EIF2AK3: variants seen among roughly 807,000 people sequenced by gnomAD.
EIF2AK3 encodes the protein eukaryotic translation initiation factor 2-alpha kinase 3.
In EIF2AK3, 50 loss-of-function variants were observed where a neutral mutation model predicts 113.5. The observed-to-expected ratio is 0.44, with a 90% confidence interval of 0.35 to 0.56. The LOEUF is 0.56. Ranked by LOEUF, EIF2AK3 falls within the 20% of genes least tolerant of loss-of-function variation. The pLI, the probability that EIF2AK3 is intolerant of heterozygous loss-of-function variation, is 0.00. For missense variants in EIF2AK3, 1,185 were observed against 1,378.0 expected (o/e 0.86, Z 2.22); for synonymous variants, 448 against 495.4 (o/e 0.90, Z 1.27).
At chr2:88,588,247 C>A in intron 7 of EIF2AK3, 143 bp from the exon 8 acceptor site, 1 of 545,088 alleles carries the variant, frequency 1.8e-6, no homozygotes, top group Non-Finnish European at 3.0e-6. Flanking sequence ...ACAAATGGCC[C>A]AGAGCTCTTG....
At chr2:88,576,810 C>A in intron 11 of EIF2AK3, 107 bp from the exon 12 acceptor site, 5 of 1,232,204 alleles carry the variant, frequency 4.1e-6, no homozygotes, top group Non-Finnish European at 4.5e-6. Flanking sequence ...TATTATATAC[C>A]AATAAAAAAG....
intron 14 of EIF2AK3, among the ~76,000 whole-genome samples, chr2:88,567,167 C>A (rs1427665058): frequency 6.6e-6 from 1 of 151,776 alleles, no homozygotes; most frequent in Non-Finnish European, 1.5e-5. Context: ...CAAATAGCAA[C>A]TGTATATAAA....
chr2:88,601,674 C>A (rs1675151053), intron 2 of EIF2AK3, among the ~76,000 whole-genome samples: 1 of 152,110 alleles, frequency 6.6e-6, no homozygotes, highest in South Asian at 2.1e-4. Flanking sequence ...TACTATCAAT[C>A]ACTTGAGTTT....
Position 88,557,019 on chromosome 2 carries a change from T to A in EIF2AK3, c.*717A>T, listed in dbSNP as rs1255664204. On this transcript the variant is annotated 3_prime_UTR_variant, in exon 17 of 17. Transcript: ENST00000303236. ...TTAAAAAGTCCATAGTTGAAGAAGT[T>A]AGTTGTAATATATATGATCCATTTC... The A allele has an allele frequency of 6.6e-6, 1 of 152,376 alleles. No individual in the cohort carries two copies. The highest frequency in any genetic ancestry group is 1.5e-5 in the Non-Finnish European group (1 of 68,050). The allele number at this position is 152,376 out of a possible 1,614,324, so 9.4% of individuals were successfully genotyped here.
At chr2:88,582,846 T>C (rs2104424382) in intron 10 of EIF2AK3, among the ~76,000 whole-genome samples, 1 of 152,210 alleles carries the variant, frequency 6.6e-6, no homozygotes, top group South Asian at 2.1e-4. Flanking sequence ...AAGAGAAAAA[T>C]AGGTATAATC....
intron 1 of EIF2AK3, among the ~76,000 whole-genome samples, chr2:88,617,923 A>G (rs1675627420): frequency 6.6e-6 from 1 of 152,232 alleles, no homozygotes; most frequent in South Asian, 2.1e-4. Flanking sequence ...TTTCCTTTGT[A>G]AACCCAACAC....
intron 2 of EIF2AK3, among the ~76,000 whole-genome samples, chr2:88,597,769 C>A (rs1675054474): frequency 6.6e-6 from 1 of 152,120 alleles, no homozygotes; most frequent in Non-Finnish European, 1.5e-5. Flanking sequence ...TCTTCCCATT[C>A]CTTAACTTTC....
In EIF2AK3 at chr2:88,618,000, C is replaced by T. The variant is rs1022808698; in HGVS notation, c.309-4147G>A. ...GTTTCAGACCAGCCTATGCAACATA[C>T]TGAGACTCCAAATGTACAAAAATAC... On this transcript the variant is annotated intron_variant, in intron 1 of 16. Coordinates refer to ENST00000303236, the MANE Select transcript of EIF2AK3 (RefSeq NM_004836.7). Among the ~76,000 whole-genome samples, 3 of 152,072 alleles carry T rather than the reference C, an allele frequency of 2.0e-5. 1 individual carries two copies. Among genetic ancestry groups the T allele is most frequent in the Non-Finnish European group, 1.5e-5 (1 of 68,008 alleles).
At chr2:88,611,694 G>A (rs1675459738) in intron 2 of EIF2AK3, among the ~76,000 whole-genome samples, 1 of 152,106 alleles carries the variant, frequency 6.6e-6, no homozygotes, top group African/African-American at 2.4e-5. Flanking sequence ...ACAGTGGCAC[G>A]ATCTTGGCTC....
At chr2:88,611,270 G>C (rs564234715) in intron 2 of EIF2AK3, among the ~76,000 whole-genome samples, 1 of 152,270 alleles carries the variant, frequency 6.6e-6, no homozygotes, top group Non-Finnish European at 1.5e-5. Flanking sequence ...TATTTGAGCT[G>C]CAATTTCCTC....
In EIF2AK3 at chr2:88,562,334, T is replaced by C. The variant is rs750736790; in HGVS notation, c.3042A>G (p.Leu1014=). ...KVDIFSLGLI[L]FELLYPFSTQ... is the part of the protein sequence containing the mutation. ...TGCTGAATGGATACAGCAATTCAAA[T>C]AGAATCAGGCCTAAAGAAAAGATGT... The change falls in exon 15 of 17, where the codon CTA becomes CTG. Residue 1014 remains leucine, a synonymous_variant. Transcript: ENST00000303236. 6.2e-7 allele frequency: 1 copy of C among 1,614,120 alleles called. No homozygotes were observed. Among genetic ancestry groups the C allele is most frequent in the Non-Finnish European group, 8.5e-7 (1 of 1,179,990 alleles).
intron 2 of EIF2AK3, among the ~76,000 whole-genome samples, chr2:88,610,975 C>T (rs1286671417): frequency 6.6e-6 from 1 of 152,082 alleles, no homozygotes; most frequent in African/African-American, 2.4e-5. Flanking sequence ...TTGCTTGAGC[C>T]CAGGATTCAA....
chr2:88,575,659 T>C, intron 12 of EIF2AK3: 1 of 604,412 alleles, frequency 1.7e-6, no homozygotes, highest in Non-Finnish European at 2.9e-6. Context: ...TAAAGCTTAA[T>C]TTTATACATG....
intron 14 of EIF2AK3, among the ~76,000 whole-genome samples, chr2:88,569,010 C>A (rs942528390): frequency 8.5e-5 from 13 of 152,140 alleles, no homozygotes; most frequent in Non-Finnish European, 1.6e-4. Context: ...TGTGCCTCAG[C>A]CTCCTGGGTA....
At chr2:88,624,058 C>T (rs977886245) in intron 1 of EIF2AK3, among the ~76,000 whole-genome samples, 12 of 151,866 alleles carry the variant, frequency 7.9e-5, no homozygotes, top group African/African-American at 2.7e-4. Flanking sequence ...GTGTCACGAT[C>T]TCAGCTCACT....
intron 14 of EIF2AK3, among the ~76,000 whole-genome samples, chr2:88,568,689 A>G (rs1319552820): frequency 6.6e-6 from 1 of 152,224 alleles, no homozygotes; most frequent in Non-Finnish European, 1.5e-5. Context: ...AATATGTACA[A>G]TTATGAGTCA....
chr2:88,562,517 T>G lies in EIF2AK3; in HGVS notation c.2986-127A>C, dbSNP rs1480069818. ...TTAAATGCAAGTACATGTGTAAAAA[T>G]GTTAGCAAAGAGTTAATCTCCCAAG... is the stretch of plus-strand genomic sequence containing the variant. On this transcript the variant is annotated intron_variant, in intron 14 of 16. Coordinates refer to ENST00000303236, the MANE Select transcript of EIF2AK3 (RefSeq NM_004836.7). 3 of 769,562 alleles carry G rather than the reference T, an allele frequency of 3.9e-6. No homozygotes were observed. The Admixed American group carries it at 6.4e-5, about 16-fold the overall frequency. 47.7% of individuals were successfully genotyped at this position (769,562 alleles called of 1,614,324 possible).
Position 88,576,454 on chromosome 2 carries a change from C to G in EIF2AK3, c.2036+100G>C, listed in dbSNP as rs1674459340. Reference sequence around the variant, plus strand: ...CATGAAACAACAGAACTCTGCTGTTCCTTTTCTTTAAAAAAAAAAATCCCT... The same window carrying G: ...CATGAAACAACAGAACTCTGCTGTTGCTTTTCTTTAAAAAAAAAAATCCCT... On this transcript the variant is annotated intron_variant, in intron 12 of 16. Transcript: ENST00000303236. The G allele has an allele frequency of 3.3e-6, 5 of 1,527,514 alleles. No homozygotes were observed. The East Asian group carries it at 9.1e-5, about 28-fold the overall frequency. 94.6% of individuals were successfully genotyped at this position (1,527,514 alleles called of 1,614,324 possible). A position where few individuals can be genotyped will look rare whatever the true frequency, so the allele number is the denominator to read the frequency against.
rs903754529 is a variant in EIF2AK3 at position 88,612,607 on chromosome 2, G to A, written c.438+1117C>T. 2.7e-4 allele frequency among the ~76,000 whole-genome samples: 41 copies of A among 152,212 alleles called. 1 individual carries two copies. Among genetic ancestry groups the A allele is most frequent in the Admixed American group, 2.7e-3 (41 of 15,274 alleles). ...ACACAGCAAATGTGGAAATTTGGCA[G>A]TGTTGTTTCCTTAAATATCAGTTTG... On this transcript the variant is annotated intron_variant, in intron 2 of 16. Transcript: ENST00000303236.
Sources: gnomAD v4.1 joint callset for allele counts (sites outside exome capture counted in the v4.1 genomes callset) on GRCh38, gnomAD v4.1.1 for gene constraint, MANE v1.5 for transcripts, NCBI Gene and HGNC (gene_info 2026-07-23, HGNC 2026-07-21) for gene names.